The following DNMT1 variants were observed in gnomAD, a reference collection of about 807,000 sequenced individuals.
The protein encoded by DNMT1 is DNA methyltransferase 1.
Under a neutral mutation model 205.3 loss-of-function variants are expected in DNMT1, and 24 were observed. That is an observed-to-expected ratio of 0.12 (90% CI 0.08 to 0.16). The LOEUF (loss-of-function observed/expected upper bound fraction) is 0.16. DNMT1 is among the 10% of genes least tolerant of loss of function. The pLI, the probability that DNMT1 is intolerant of heterozygous loss-of-function variation, is 1.00. For missense variants in DNMT1, 1,293 were observed against 2,177.7 expected, an observed-to-expected ratio of 0.59 and a Z score of 8.09; for synonymous variants, 817 against 839.8, an observed-to-expected ratio of 0.97 and a Z score of 0.47.
intron 5 of DNMT1, among the ~76,000 whole-genome samples, chr19:10,177,644 A>C (rs906002062): frequency 7.2e-5 from 11 of 152,278 alleles, no homozygotes; most frequent in Admixed American, 2.0e-4. Flanking sequence ...TCAAAAGATG[A>C]AGTGGGCCAG....
At position 10,173,153 on chromosome 19, in the gene DNMT1, T is replaced by C; in HGVS notation, c.705A>G (p.Ala235=). 1 of 1,614,178 alleles carries C rather than the reference T, an allele frequency of 6.2e-7. No individual in the cohort carries two copies. Among genetic ancestry groups the C allele is most frequent in the Non-Finnish European group, 8.5e-7 (1 of 1,180,032 alleles). Residue 235 remains alanine (A), a synonymous_variant, in exon 9 of 41, where the codon GCA becomes GCG. Transcript: ENST00000359526. ...SRERVARPLP[A]EEPERAKSGT... The stretch of plus-strand genomic sequence containing the variant: ...CTGATTTTGCTCTTTCAGGTTCTTC[T>C]GCAGGAAGCGGTCTAGCAACTCTGT...
chr19:10,133,612 T>C lies in DNMT1; in HGVS notation c.*55A>G. On this transcript the variant is annotated 3_prime_UTR_variant, in exon 41 of 41. Transcript: ENST00000359526. This position sits in a 1 kb window ranked among gnomAD's most constrained non-coding sequence, Gnocchi z 4.1. ...AGATTGACATGTTAAAAACACAACA[T>C]CAGTGCATGTTGGGGATTCCTGGTG... 6.4e-7 allele frequency: 1 copy of C among 1,565,220 alleles called. No homozygotes were observed. Among genetic ancestry groups the C allele is most frequent in the Middle Eastern group, 1.8e-4 (1 of 5,656 alleles).
chr19:10,168,040 T>C (rs2145344381), intron 10 of DNMT1, among the ~76,000 whole-genome samples: 1 of 152,168 alleles, frequency 6.6e-6, no homozygotes, highest in Non-Finnish European at 1.5e-5. Flanking sequence ...GGAGAATTGC[T>C]TGAGCCCGGG....
intron 24 of DNMT1, among the ~76,000 whole-genome samples, chr19:10,150,675 C>CAG (rs1378544414): frequency 1.3e-5 from 2 of 152,240 alleles, no homozygotes; most frequent in East Asian, 3.9e-4. Context: ...CTCTCTCTCA[C>CAG]ACTGTGGTAA....
At position 10,155,965 on chromosome 19, in the gene DNMT1, T is replaced by C. The variant is rs749671218; in HGVS notation, c.1400-20A>G. ...CACCACCTAGAGCAGAAAAAGGAAA[T>C]GGACTAAAGGCTCTGACTCACATCC... is the stretch of plus-strand genomic sequence containing the variant. On this transcript the variant is annotated intron_variant, in intron 18 of 40. Coordinates refer to ENST00000359526, the MANE Select transcript of DNMT1 (RefSeq NM_001130823.3). The C allele has an allele frequency of 1.2e-5, 19 of 1,608,522 alleles. No individual in the cohort carries two copies. The highest frequency in any genetic ancestry group is 1.6e-5 in the Non-Finnish European group (19 of 1,177,348).
At chr19:10,192,504 G>A (rs1204808381) in intron 1 of DNMT1, among the ~76,000 whole-genome samples, 1 of 151,780 alleles carries the variant, frequency 6.6e-6, no homozygotes, top group African/African-American at 2.4e-5. Context: ...GCTCACACCC[G>A]TAATCCCAAC....
intron 7 of DNMT1, 41 bp downstream of exon 7, chr19:10,175,499 C>T: frequency 3.7e-6 from 6 of 1,609,300 alleles, no homozygotes; most frequent in Non-Finnish European, 5.1e-6. Context: ...TCAAATACAC[C>T]AAGTTAAGGT....
At chr19:10,173,847 G>A (rs752260048) in intron 8 of DNMT1, 24 bp downstream of exon 8, 4 of 1,613,174 alleles carry the variant, frequency 2.5e-6, no homozygotes, top group Non-Finnish European at 3.4e-6. Context: ...AGAACAAAAA[G>A]AAAGGTATAG....
chr19:10,174,732 AC>A (rs1338989285), intron 7 of DNMT1, among the ~76,000 whole-genome samples: 21 of 150,420 alleles, frequency 1.4e-4, no homozygotes, highest in Non-Finnish European at 3.0e-5. Context: ...AACAACAACA[AC>A]AACAAAAAAA....
rs144396634 is a variant in DNMT1, at chr19:10,153,174, G to A, written c.2019+1119C>T. On this transcript the variant is annotated intron_variant, in intron 22 of 40. Transcript: ENST00000359526. ...ACGCTACTTCTAAGCAGATACACTC[G>A]CGAGAAGCTTTGCTCAAGGATGCTG... 4.1e-4 allele frequency among the ~76,000 whole-genome samples: 62 copies of A among 152,236 alleles called. 1 individual carries two copies. In the East Asian group the frequency reaches 0.011, roughly 26 times the overall value.
intron 6 of DNMT1, among the ~76,000 whole-genome samples, chr19:10,176,213 G>C (rs1203820735): frequency 6.6e-6 from 1 of 151,940 alleles, no homozygotes; most frequent in Non-Finnish European, 1.5e-5. Context: ...GCTGGAATCT[G>C]ATCAGTCCTG....
At chr19:10,177,237 A>G (rs1176250734) in intron 6 of DNMT1, 55 bp downstream of exon 6, 1 of 1,548,308 alleles carries the variant, frequency 6.5e-7, no homozygotes, top group Admixed American at 1.7e-5. Flanking sequence ...TACCAATTCC[A>G]TCCCAAAACA....
chr19:10,178,160 G>A (rs563144848), intron 5 of DNMT1, among the ~76,000 whole-genome samples: 1 of 151,230 alleles, frequency 6.6e-6, no homozygotes, highest in Non-Finnish European at 1.5e-5. Context: ...AGGAGGCTGA[G>A]GCAAAAAAAT....
At chr19:10,179,022 G>A (rs891492731) in intron 5 of DNMT1, among the ~76,000 whole-genome samples, 2 of 150,912 alleles carry the variant, frequency 1.3e-5, no homozygotes, top group Non-Finnish European at 3.0e-5. Context: ...CCAGCTACTC[G>A]GGAGGCTGAG....
chr19:10,175,203 G>A (rs1369229227), intron 7 of DNMT1, among the ~76,000 whole-genome samples: 2 of 151,412 alleles, frequency 1.3e-5, no homozygotes, highest in African/African-American at 4.9e-5. Context: ...TGGACCTCCA[G>A]CCTGCCCTGC....
In DNMT1 at chr19:10,192,367, C is replaced by T. The variant is rs118120766; in HGVS notation, c.80+2453G>A. Among the ~76,000 whole-genome samples, 42 of 152,190 alleles carry T rather than the reference C, an allele frequency of 2.8e-4. 1 individual carries two copies. The East Asian group carries it at 6.7e-3, about 24-fold the overall frequency. On this transcript the variant is annotated intron_variant, in intron 1 of 40. Transcript: ENST00000359526. Reference sequence around the variant, plus strand: ...GTGCCATGCATATTCTCATTTAACCCAATACCAGCTGAAAACCCATGTCAT... The same window carrying T: ...GTGCCATGCATATTCTCATTTAACCTAATACCAGCTGAAAACCCATGTCAT...
At chr19:10,166,010 GTCTTCGGCA>G (rs1448306532) in intron 11 of DNMT1, among the ~76,000 whole-genome samples, 3 of 152,110 alleles carry the variant, frequency 2.0e-5, no homozygotes, top group Non-Finnish European at 2.9e-5. Flanking sequence ...CCCTCTTGGG[GTCTTCGGCA>G]TCTCTTAGAT....
chr19:10,156,339 G>A lies in DNMT1; in HGVS notation c.1399+52C>T. ...TAGGATTACAGATGTGAGCCACCCT[G>A]CCTGGCTGTTTTTAAAGTGTGCCCC... On this transcript the variant is annotated intron_variant, in intron 18 of 40. Coordinates refer to ENST00000359526, the MANE Select transcript of DNMT1 (RefSeq NM_001130823.3). This position sits in a 1 kb window ranked among gnomAD's most constrained non-coding sequence, Gnocchi z 4.2. 7.0e-7 allele frequency: 1 copy of A among 1,434,508 alleles called. No individual in the cohort carries two copies. The highest frequency in any genetic ancestry group is 1.1e-5 in the South Asian group (1 of 87,110). The allele number at this position is 1,434,508 out of a possible 1,614,324, so 88.9% of individuals were successfully genotyped here.
intron 9 of DNMT1, among the ~76,000 whole-genome samples, chr19:10,169,073 G>C (rs953866531): frequency 6.6e-6 from 1 of 151,960 alleles, no homozygotes; most frequent in Non-Finnish European, 1.5e-5. Flanking sequence ...CAAGTGATCC[G>C]TCTGCCTTGG....
Sources: allele counts gnomAD v4.1 joint callset (sites outside exome capture counted in the v4.1 genomes callset), GRCh38; gene constraint gnomAD v4.1.1; non-coding constraint Gnocchi (gnomAD v3.1); transcripts MANE v1.5; gene names NCBI Gene and HGNC (gene_info 2026-07-23, HGNC 2026-07-21).